DDX11: variants seen among roughly 807,000 people sequenced by gnomAD.
DDX11 encodes DEAD/H-box helicase 11, also known as ATP-dependent DNA helicase DDX11.
Under a neutral mutation model 125.2 loss-of-function variants are expected in DDX11, and 72 were observed. The observed-to-expected ratio is 0.58, with a 90% CI of 0.48 to 0.70. The LOEUF (loss-of-function observed/expected upper bound fraction) is 0.70. Among genes scored for constraint, DDX11 ranks in the 30% least tolerant of loss-of-function variants. The pLI is 0.00. For synonymous variants in DDX11, 347 were observed against 452.6 expected (o/e 0.77, Z 2.96); for missense variants, 883 against 1,165.0 (o/e 0.76, Z 3.52).
intron 2 of DDX11, among the ~76,000 whole-genome samples, chr12:31,081,560 A>T (rs1162521712): frequency 1.3e-5 from 2 of 151,398 alleles, no homozygotes; most frequent in Non-Finnish European, 2.9e-5. Context: ...GCGGGGATCT[A>T]TGATGCCCTC....
chr12:31,101,807 C>T (rs200179214), intron 20 of DDX11, 26 bp from the exon 21 acceptor site: 16 of 1,613,154 alleles, frequency 9.9e-6, no homozygotes, highest in Middle Eastern at 1.6e-4. Flanking sequence ...ATGGGGGCTC[C>T]CTCCCTCCCT....
Position 31,094,827 on chromosome 12 carries a change from A to G in DDX11, c.1482+5A>G. On this transcript the variant is annotated splice_donor_5th_base_variant and intron_variant, in intron 14 of 26. Transcript: ENST00000542838. Reference sequence around the variant, plus strand: ...GACAACATCAACCTGTTCAAGGTAGAGGTTTCCACCTTTCCACATTCCACA... The same window carrying G: ...GACAACATCAACCTGTTCAAGGTAGGGGTTTCCACCTTTCCACATTCCACA... 4 of 1,612,504 alleles carry G rather than the reference A, an allele frequency of 2.5e-6. No individual in the cohort carries two copies. Among genetic ancestry groups the G allele is most frequent in the Non-Finnish European group, 2.5e-6 (3 of 1,178,490 alleles).
intron 1 of DDX11, among the ~76,000 whole-genome samples, chr12:31,075,829 TA>T (rs1187907715): frequency 6.6e-6 from 1 of 152,102 alleles, no homozygotes; most frequent in Admixed American, 6.5e-5. Flanking sequence ...GAAGAATAAA[TA>T]GGTTCAGATG....
Position 31,097,978 on chromosome 12 carries a change from C to G in DDX11, c.1856C>G (p.Ala619Gly), listed in dbSNP as rs567746345. 1.2e-6 allele frequency: 2 copies of G among 1,613,396 alleles called. No individual in the cohort carries two copies. The highest frequency in any genetic ancestry group is 2.2e-5 in the South Asian group (2 of 91,074). The change falls in exon 18 of 27, where the codon GCG becomes GGG. Residue 619 changes from alanine (A) to glycine (G), a missense_variant. Ala to Gly is a moderately conservative substitution (Grantham distance 60). Coordinates refer to ENST00000542838, the MANE Select transcript of DDX11 (RefSeq NM_030653.4). ...VVKECRAVVI[A>G]GGTMQPVSDF... ...AAGGAATGCCGGGCAGTGGTCATTG[C>G]GGGGGGTACCATGCAGCCGGTAAGG... is the stretch of plus-strand genomic sequence containing the variant.
intron 5 of DDX11, among the ~76,000 whole-genome samples, chr12:31,085,826 C>A (rs536749923): frequency 1.3e-5 from 2 of 151,976 alleles, no homozygotes; most frequent in African/African-American, 4.8e-5. Context: ...ACAAATAGCA[C>A]CTATGTGAAG....
intron 14 of DDX11, among the ~76,000 whole-genome samples, chr12:31,095,354 T>C (rs1592741656): frequency 2.0e-5 from 3 of 152,216 alleles, no homozygotes; most frequent in African/African-American, 7.2e-5. Context: ...TGTGCTGTGC[T>C]CTGAGCTAGG....
Position 31,103,675 on chromosome 12 carries a change from C to T in DDX11, c.2635C>T (p.Arg879Ter), listed in dbSNP as rs780059558. 12 of 1,614,030 alleles carry T rather than the reference C, an allele frequency of 7.4e-6. No individual in the cohort carries two copies. Among genetic ancestry groups the T allele is most frequent in the South Asian group, 4.4e-5 (4 of 91,048 alleles). Residue 879 changes from arginine (R) to a stop codon, truncating the protein, a stop_gained, in exon 26 of 27, where the codon CGA becomes TGA. Transcript: ENST00000542838. LOFTEE classifies it high-confidence loss of function. ...PVLAKLPAWI[R>*]ARVEVKATFG... ...CCTGGCCAAGCTGCCGGCCTGGATC[C>T]GAGCCCGTGTGGAGGTCAAAGCTAC...
At chr12:31,080,059 A>G (rs1383051975) in intron 2 of DDX11, among the ~76,000 whole-genome samples, 1 of 128,736 alleles carries the variant, frequency 7.8e-6, no homozygotes, top group Non-Finnish European at 1.6e-5. Context: ...AACGTCTGGC[A>G]GCCCTGGACT....
intron 2 of DDX11, 55 bp downstream of exon 2, chr12:31,078,592 A>C (rs1941177689): frequency 6.2e-7 from 1 of 1,610,856 alleles, no homozygotes; most frequent in Non-Finnish European, 8.5e-7. Flanking sequence ...CAGCCGTACT[A>C]GCTTTTCCTG....
rs769716966 is a variant in DDX11, at chr12:31,102,374, G to A, written c.2272-53G>A. The A allele has an allele frequency of 6.2e-6, 10 of 1,608,670 alleles. No individual in the cohort carries two copies. In the South Asian group the frequency reaches 1.1e-4, roughly 18 times the overall value. ...TGGGGGTGGCAGCTGGAAACGTTGT[G>A]GGTGTCATCCAAGTTTTGGCTCAGC... On this transcript the variant is annotated intron_variant, in intron 22 of 26. Transcript: ENST00000542838.
At chr12:31,093,952 A>T (rs1944746988) in intron 12 of DDX11, among the ~76,000 whole-genome samples, 1 of 149,136 alleles carries the variant, frequency 6.7e-6, no homozygotes, top group Non-Finnish European at 1.5e-5. Context: ...GGGTTGTTCG[A>T]AGCACTTGCA....
rs562964913 is a variant in DDX11, at chr12:31,084,208, G to C, written c.393+147G>C. On this transcript the variant is annotated intron_variant, in intron 3 of 26. Coordinates refer to ENST00000542838, the MANE Select transcript of DDX11 (RefSeq NM_030653.4). Reference sequence around the variant, plus strand: ...CTTCCCTCAGCTCCTTGGGTCTATGGTGCTGCCGCTGTGCTGTCTTTTTTG... The same window carrying C: ...CTTCCCTCAGCTCCTTGGGTCTATGCTGCTGCCGCTGTGCTGTCTTTTTTG... 5 of 1,126,636 alleles carry C rather than the reference G, an allele frequency of 4.4e-6. No individual in the cohort carries two copies. The African/African-American group carries it at 6.2e-5, about 14-fold the overall frequency. The allele number at this position is 1,126,636 out of a possible 1,614,324, so 69.8% of individuals were successfully genotyped here.
chr12:31,075,202 G>A (rs1316988117), intron 1 of DDX11, among the ~76,000 whole-genome samples: 11 of 151,648 alleles, frequency 7.3e-5, no homozygotes, highest in African/African-American at 1.9e-4. Context: ...TAGTGAATCC[G>A]TTATACTCAG....
At chr12:31,078,687 GTC>G in intron 2 of DDX11, 150 bp downstream of exon 2, 1 of 1,065,100 alleles carries the variant, frequency 9.4e-7, no homozygotes, top group Non-Finnish European at 1.3e-6. Flanking sequence ...CTCTATTAAA[GTC>G]TTTTTTTTTT....
intron 9 of DDX11, chr12:31,091,109 G>A (rs1183736092): frequency 2.0e-5 from 3 of 152,184 alleles, no homozygotes; most frequent in Non-Finnish European, 2.9e-5. Context: ...TTCTCACCAA[G>A]CGTGGGTGAT....
intron 2 of DDX11, among the ~76,000 whole-genome samples, chr12:31,081,177 C>G (rs1404160283): frequency 6.6e-6 from 1 of 152,222 alleles, no homozygotes; most frequent in African/African-American, 2.4e-5. Context: ...GGTTCTATAG[C>G]TTCATCTTCT....
chr12:31,101,352 T>G (rs1946344612), intron 20 of DDX11: 1 of 595,530 alleles, frequency 1.7e-6, no homozygotes, highest in African/African-American at 1.9e-5. Flanking sequence ...AAATATGTAT[T>G]CATAAAACCT....
intron 2 of DDX11, 112 bp downstream of exon 2, chr12:31,078,649 C>A: frequency 2.7e-6 from 4 of 1,465,850 alleles, no homozygotes; most frequent in Non-Finnish European, 3.8e-6. Context: ...GCAGAGTAGT[C>A]TCTGTTTATC....
intron 18 of DDX11, among the ~76,000 whole-genome samples, chr12:31,098,883 C>T (rs1182712313): frequency 6.6e-6 from 1 of 152,022 alleles, no homozygotes; most frequent in African/African-American, 2.4e-5. Flanking sequence ...AGCAGAATGT[C>T]ATGGGATCAC....
Sources: gnomAD v4.1 joint callset for allele counts (sites outside exome capture counted in the v4.1 genomes callset) on GRCh38, gnomAD v4.1.1 for gene constraint, MANE v1.5 for transcripts, NCBI Gene and HGNC (gene_info 2026-07-23, HGNC 2026-07-21) for gene names.